The following CNGB3 variants were observed in gnomAD, a reference collection of about 807,000 sequenced individuals.
CNGB3 encodes cyclic nucleotide-gated channel beta-3.
CNGB3 carries 86 observed loss-of-function variants against 92.8 expected under a neutral mutation model. The observed-to-expected ratio is 0.93, with a 90% CI of 0.78 to 1.11. The LOEUF (loss-of-function observed/expected upper bound fraction) is 1.11, where lower values mean the gene tolerates loss of function less well. CNGB3 is among the 50% of genes least tolerant of loss of function. CNGB3 has a pLI of 0.00. For missense variants in CNGB3, 1,026 were observed against 956.8 expected (o/e 1.07, Z -0.95); for synonymous variants, 333 against 332.7 (o/e 1.00, Z -0.01).
chr8:86,734,966 A>T (rs951020204), intron 2 of CNGB3, among the ~76,000 whole-genome samples: 1 of 150,976 alleles, frequency 6.6e-6, no homozygotes, highest in South Asian at 2.1e-4. Context: ...AAGATGTTAA[A>T]TGCCTCAACT....
At chr8:86,656,050 T>C (rs1823500443) in intron 6 of CNGB3, among the ~76,000 whole-genome samples, 1 of 152,226 alleles carries the variant, frequency 6.6e-6, no homozygotes, top group Admixed American at 6.5e-5. Context: ...TTTTTGGCTA[T>C]AATTTTTACT....
chr8:86,613,386 T>C (rs1015312641), intron 13 of CNGB3, among the ~76,000 whole-genome samples: 2 of 152,224 alleles, frequency 1.3e-5, no homozygotes, highest in Non-Finnish European at 2.9e-5. Flanking sequence ...CATTTTGGAA[T>C]AATTTCACTT....
At chr8:86,618,561 A>C (rs12056692) in intron 13 of CNGB3, among the ~76,000 whole-genome samples, 110,823 of 152,112 alleles carry the variant, frequency 0.73, 41,611 homozygotes, top group Non-Finnish European at 0.83. Flanking sequence ...ACATGGCTGC[A>C]GTAGCTGGGC....
At chr8:86,609,000 A>T (rs1045400387) in intron 14 of CNGB3, among the ~76,000 whole-genome samples, 1 of 152,122 alleles carries the variant, frequency 6.6e-6, no homozygotes, top group Non-Finnish European at 1.5e-5. Context: ...CGCCGCACAC[A>T]GGGAGAAGCC....
Position 86,666,916 on chromosome 8 carries a change from C to A in CNGB3, c.852+9G>T, listed in dbSNP as rs746373973. 3.1e-6 allele frequency: 5 copies of A among 1,608,570 alleles called. No individual in the cohort carries two copies. The East Asian group carries it at 1.1e-4, about 36-fold the overall frequency. Reference sequence around the variant, plus strand: ...GTTTCAGTTTCTGCCTTTCCCGAACCCCACTTACTATTATGTCTCCTCCTC... The same window carrying A: ...GTTTCAGTTTCTGCCTTTCCCGAACACCACTTACTATTATGTCTCCTCCTC... On this transcript the variant is annotated intron_variant, in intron 6 of 17. Transcript: ENST00000320005.
chr8:86,635,859 T>TACAC (rs1369264943), intron 10 of CNGB3, among the ~76,000 whole-genome samples: 2 of 70,436 alleles, frequency 2.8e-5, no homozygotes, highest in Non-Finnish European at 5.4e-5. Flanking sequence ...TATATATATA[T>TACAC]ATATACACAT....
At chr8:86,648,810 C>T (rs181889548) in intron 7 of CNGB3, among the ~76,000 whole-genome samples, 27 of 151,080 alleles carry the variant, frequency 1.8e-4, no homozygotes, top group Non-Finnish European at 3.0e-4. Flanking sequence ...ACAGAGGAAT[C>T]CAGCAAGAGA....
chr8:86,735,164 A>G (rs1825228281), intron 2 of CNGB3, among the ~76,000 whole-genome samples: 1 of 522 alleles, frequency 1.9e-3, no homozygotes, highest in Non-Finnish European at 5.3e-3. Flanking sequence ...TTTTTTTGAG[A>G]CAGAGTCTTG....
intron 15 of CNGB3, among the ~76,000 whole-genome samples, chr8:86,587,851 G>T (rs1266219236): frequency 6.6e-6 from 1 of 152,128 alleles, no homozygotes; most frequent in Non-Finnish European, 1.5e-5. Flanking sequence ...GAACTTTAAA[G>T]TAGTATTTTC....
chr8:86,626,273 G>GGAC (rs1175374712), intron 12 of CNGB3, among the ~76,000 whole-genome samples, 193 bp from the exon 13 acceptor site: 59 of 152,266 alleles, frequency 3.9e-4, no homozygotes, highest in Admixed American at 1.8e-3. Context: ...ACACTATTAT[G>GGAC]CTTATGCAAT....
At position 86,606,540 on chromosome 8, in the gene CNGB3, A is replaced by G. The variant is rs533072855; in HGVS notation, c.1663-2329T>C. 3.3e-3 allele frequency among the ~76,000 whole-genome samples: 510 copies of G among 152,336 alleles called. 6 individuals carry two copies. The South Asian group carries it at 0.039, about 12-fold the overall frequency. On this transcript the variant is annotated intron_variant, in intron 14 of 17. Transcript: ENST00000320005. Reference sequence around the variant, plus strand: ...TGGATCTTATATTTATTTACATACTATTAATGCTAATAACAATATCATGTC... The same window carrying G: ...TGGATCTTATATTTATTTACATACTGTTAATGCTAATAACAATATCATGTC...
chr8:86,582,731 T>A (rs1452452654), intron 15 of CNGB3, among the ~76,000 whole-genome samples: 1 of 152,070 alleles, frequency 6.6e-6, no homozygotes, highest in African/African-American at 2.4e-5. Context: ...TTTAGGGAAA[T>A]GACCCTTCAA....
chr8:86,581,496 A>G (rs1821764399), intron 15 of CNGB3, among the ~76,000 whole-genome samples: 1 of 152,098 alleles, frequency 6.6e-6, no homozygotes, highest in Non-Finnish European at 1.5e-5. Flanking sequence ...TGTGAAATAT[A>G]CCCAGAGCAT....
At chr8:86,743,275 G>T (rs1272906422) in intron 1 of CNGB3, among the ~76,000 whole-genome samples, 1 of 152,116 alleles carries the variant, frequency 6.6e-6, no homozygotes, top group Non-Finnish European at 1.5e-5. Context: ...GTCTTACTTG[G>T]CTTTTCCAAA....
rs1159367717 is a variant in CNGB3 at position 86,643,870 on chromosome 8, A to G, written c.1059T>C (p.Val353=). 1 of 1,605,410 alleles carries G rather than the reference A, an allele frequency of 6.2e-7. No homozygotes were observed. The highest frequency in any genetic ancestry group is 8.5e-7 in the Non-Finnish European group (1 of 1,174,142). ...ACAGCAAGTATCCAGTTGTTCGAAT[A>G]ACTCTGTCAGAGAGAATAGATGCAA... The part of the protein sequence containing the change: ...SIMDKAYIYR[V]IRTTGYLLFI... The change falls in exon 10 of 18, where the codon GTT becomes GTC. Residue 353 remains valine, a synonymous_variant. Coordinates refer to ENST00000320005, the MANE Select transcript of CNGB3 (RefSeq NM_019098.5).
At chr8:86,608,102 T>C (rs1822447297) in intron 14 of CNGB3, among the ~76,000 whole-genome samples, 1 of 152,214 alleles carries the variant, frequency 6.6e-6, no homozygotes, top group African/African-American at 2.4e-5. Context: ...TAATAAAATA[T>C]AAAATAAGAA....
At position 86,575,360 on chromosome 8, in the gene CNGB3, T is replaced by C; in HGVS notation, c.*444A>G. The C allele has an allele frequency of 6.5e-6, 1 of 154,962 alleles. No individual in the cohort carries two copies. The highest frequency in any genetic ancestry group is 3.3e-3 in the Middle Eastern group (1 of 304). 9.6% of individuals were successfully genotyped at this position (154,962 alleles called of 1,614,324 possible). The stretch of plus-strand genomic sequence containing the variant: ...TTTGACCTATTACATTAAAATCTTA[T>C]ACCCTTTACATGTAAGAGGTGAAAT... On this transcript the variant is annotated 3_prime_UTR_variant, in exon 18 of 18. Coordinates refer to ENST00000320005, the MANE Select transcript of CNGB3 (RefSeq NM_019098.5).
chr8:86,732,034 A>G (rs892435930), intron 2 of CNGB3, among the ~76,000 whole-genome samples: 1 of 152,192 alleles, frequency 6.6e-6, no homozygotes, highest in African/African-American at 2.4e-5. Context: ...TGAATTATGT[A>G]AATATATTTA....
rs55678672 is a variant in CNGB3 at position 86,743,449 on chromosome 8, G to A, written c.129+50C>T. 37,577 of 1,609,438 alleles carry A rather than the reference G, an allele frequency of 0.023. 529 individuals carry two copies. The highest frequency in any genetic ancestry group is 0.028 in the Non-Finnish European group (32,668 of 1,175,842). On this transcript the variant is annotated intron_variant, in intron 1 of 17. Coordinates refer to ENST00000320005, the MANE Select transcript of CNGB3 (RefSeq NM_019098.5). ...TAGCAGTGATTAAATGCTATTACCA[G>A]ATAAGAAATGATGAAAATCAAGGCT...
Sources: gnomAD v4.1 joint callset for allele counts (sites outside exome capture counted in the v4.1 genomes callset) on GRCh38, gnomAD v4.1.1 for gene constraint, MANE v1.5 for transcripts, NCBI Gene and HGNC (gene_info 2026-07-23, HGNC 2026-07-21) for gene names.